The following ARHGEF3 variants were observed in gnomAD, a reference collection of about 807,000 sequenced individuals.
The protein encoded by ARHGEF3 is Rho guanine nucleotide exchange factor 3.
ARHGEF3 carries 28 observed loss-of-function variants against 63.2 expected under a neutral mutation model. The ratio of observed to expected loss-of-function variants is 0.44; its 90% confidence interval spans 0.33 to 0.61. The LOEUF (loss-of-function observed/expected upper bound fraction) is 0.61. ARHGEF3 is among the 20% of genes least tolerant of loss of function. ARHGEF3 has a pLI of 0.03. For missense variants in ARHGEF3, 533 were observed against 659.3 expected (o/e 0.81, Z 2.10); for synonymous variants, 266 against 254.2 (o/e 1.05, Z -0.44).
chr3:56,977,404 T>C (rs948017932), intron 2 of ARHGEF3: 11 of 437,842 alleles, frequency 2.5e-5, no homozygotes, highest in Middle Eastern at 3.4e-4. Context: ...TGCATCAGCA[T>C]TGCCATGCTG....
intron 2 of ARHGEF3, among the ~76,000 whole-genome samples, chr3:57,001,457 G>A (rs1036838650): frequency 2.0e-5 from 3 of 152,178 alleles, no homozygotes; most frequent in East Asian, 1.9e-4. Context: ...AGGGAATCAC[G>A]ACAGATGCTG....
intron 1 of ARHGEF3, among the ~76,000 whole-genome samples, chr3:56,782,977 C>CAGTCAGCACCAAAAGCAG (rs1222396191): frequency 2.0e-5 from 3 of 152,186 alleles, no homozygotes; most frequent in Non-Finnish European, 2.9e-5. Context: ...CTGCCTGAGC[C>CAGTCAGCACCAAAAGCAG]AGTCAGCACC....
chr3:57,011,332 C>T (rs564943756), intron 2 of ARHGEF3, among the ~76,000 whole-genome samples: 11 of 152,334 alleles, frequency 7.2e-5, no homozygotes, highest in African/African-American at 2.2e-4. Context: ...AGATTTCCCA[C>T]GGGGCACACT....
chr3:56,858,245 A>T (rs1465879177), intron 4 of ARHGEF3, among the ~76,000 whole-genome samples: 25 of 4,150 alleles, frequency 6.0e-3, no homozygotes, highest in Non-Finnish European at 3.1e-3. Flanking sequence ...CCCTGTCTCA[A>T]AAAAAAAAAA....
intron 3 of ARHGEF3, among the ~76,000 whole-genome samples, chr3:56,909,218 A>G (rs2041787390): frequency 6.6e-6 from 1 of 152,214 alleles, no homozygotes; most frequent in Non-Finnish European, 1.5e-5. Context: ...CAGTTTTCTA[A>G]AGAGAATACT....
rs530275314 is a variant in ARHGEF3 at position 57,061,304 on chromosome 3, A to AT, written c.-28+17921dup. On this transcript the variant is annotated intron_variant, in intron 1 of 12. Coordinates refer to the ARHGEF3 transcript ENST00000338458. ...GTCAAAAATTCCTTTATTTATTATTATTTTTTTTTTTGCAATGGGGTCTGG... is the reference window on the plus strand; with the variant it reads ...GTCAAAAATTCCTTTATTTATTATTATTTTTTTTTTTTGCAATGGGGTCTGG... 2.8e-4 allele frequency among the ~76,000 whole-genome samples: 43 copies of AT among 151,384 alleles called. 1 individual carries two copies. Among genetic ancestry groups the AT allele is most frequent in the African/African-American group, 9.0e-4 (37 of 41,294 alleles).
At chr3:57,072,907 G>A (rs761443339) in intron 1 of ARHGEF3, among the ~76,000 whole-genome samples, 20 of 152,056 alleles carry the variant, frequency 1.3e-4, no homozygotes, top group Admixed American at 1.2e-3. Flanking sequence ...TTAGCAAGGC[G>A]CAGTGGCAGG....
intron 2 of ARHGEF3, among the ~76,000 whole-genome samples, chr3:56,967,568 A>T (rs1700603444): frequency 5.5e-5 from 5 of 91,060 alleles, no homozygotes; most frequent in Non-Finnish European, 7.6e-5. Context: ...ATAATATATA[A>T]TATATATTAT....
At chr3:57,013,988 G>A (rs1257078477) in intron 2 of ARHGEF3, among the ~76,000 whole-genome samples, 1 of 152,182 alleles carries the variant, frequency 6.6e-6, no homozygotes, top group Admixed American at 6.5e-5. Context: ...AATAAATCTT[G>A]CTGCTGCTCA....
intron 4 of ARHGEF3, among the ~76,000 whole-genome samples, chr3:56,869,799 G>A (rs903387362): frequency 6.6e-6 from 1 of 152,132 alleles, no homozygotes; most frequent in African/African-American, 2.4e-5. Flanking sequence ...GACAGACCCA[G>A]GCTCCAGCCT....
intron 3 of ARHGEF3, among the ~76,000 whole-genome samples, chr3:56,948,790 T>A (rs1699651529): frequency 6.6e-6 from 1 of 151,892 alleles, no homozygotes; most frequent in South Asian, 2.1e-4. Context: ...GAGGCCAGCA[T>A]CATCCTGATA....
chr3:56,832,985 T>C (rs2038981719), intron 4 of ARHGEF3, among the ~76,000 whole-genome samples: 1 of 152,236 alleles, frequency 6.6e-6, no homozygotes, highest in Admixed American at 6.5e-5. Context: ...TGAAGAATAT[T>C]CCCTTGTTTG....
intron 2 of ARHGEF3, among the ~76,000 whole-genome samples, chr3:57,019,516 G>A (rs1174475551): frequency 1.3e-5 from 2 of 152,148 alleles, no homozygotes; most frequent in Non-Finnish European, 2.9e-5. Flanking sequence ...CCTGATCCCA[G>A]GAGGTGTAAA....
chr3:56,958,856 C>T, exon 3 of ARHGEF3: 1 of 1,551,620 alleles, frequency 6.4e-7, no homozygotes, highest in Non-Finnish European at 8.7e-7. Context: ...GAGAGGGAAA[C>T]ATGGGAAAGT....
At chr3:57,057,612 C>T (rs1006355447) in intron 1 of ARHGEF3, among the ~76,000 whole-genome samples, 4 of 152,090 alleles carry the variant, frequency 2.6e-5, no homozygotes, top group East Asian at 3.9e-4. Flanking sequence ...GTCACACCCA[C>T]ACCCACACCC....
chr3:56,991,681 C>T (rs753228119), intron 2 of ARHGEF3, among the ~76,000 whole-genome samples: 6 of 152,178 alleles, frequency 3.9e-5, no homozygotes, highest in Admixed American at 1.3e-4. Flanking sequence ...GTGGCACGAT[C>T]GCAGTTCACT....
chr3:56,792,841 C>A (rs2037155504), intron 1 of ARHGEF3, among the ~76,000 whole-genome samples: 1 of 150,762 alleles, frequency 6.6e-6, no homozygotes, highest in Non-Finnish European at 1.5e-5. Context: ...TAAATAGAGA[C>A]AAGGTCTTGC....
At chr3:57,009,700 C>T (rs1702605401) in intron 2 of ARHGEF3, among the ~76,000 whole-genome samples, 1 of 152,096 alleles carries the variant, frequency 6.6e-6, no homozygotes, top group African/African-American at 2.4e-5. Context: ...TGATGGAATG[C>T]CAGGGTAAGA....
chr3:57,058,119 A>G (rs1390243364), intron 1 of ARHGEF3, among the ~76,000 whole-genome samples: 1 of 152,198 alleles, frequency 6.6e-6, no homozygotes, highest in Non-Finnish European at 1.5e-5. Context: ...ATTTCCCACA[A>G]TCTCTTTCAA....
Sources: gnomAD v4.1 joint callset for allele counts (sites outside exome capture counted in the v4.1 genomes callset) on GRCh38, gnomAD v4.1.1 for gene constraint, MANE v1.5 for transcripts, NCBI Gene and HGNC (gene_info 2026-07-23, HGNC 2026-07-21) for gene names.